DOCK3: variants seen among roughly 807,000 people sequenced by gnomAD.
DOCK3 encodes dedicator of cytokinesis protein 3.
A neutral mutation model predicts 265.6 loss-of-function variants in DOCK3; 60 were observed. That is an observed-to-expected ratio of 0.23 (90% CI 0.18 to 0.28). DOCK3 has a LOEUF of 0.28. DOCK3 is among the 10% of genes least tolerant of loss of function. The pLI is 1.00. For missense variants in DOCK3, 1,981 were observed against 2,594.3 expected, an observed-to-expected ratio of 0.76 and a Z score of 5.14; for synonymous variants, 881 against 938.0, an observed-to-expected ratio of 0.94 and a Z score of 1.11.
At chr3:50,903,154 ACTTTATTTCT>A (rs2049292114) in intron 4 of DOCK3, among the ~76,000 whole-genome samples, 1 of 151,930 alleles carries the variant, frequency 6.6e-6, no homozygotes, top group South Asian at 2.1e-4. Flanking sequence ...CTGTTTGAAT[ACTTTATTTCT>A]CTTGCCTGAC....
chr3:51,256,473 A>C (rs4974093), intron 22 of DOCK3, among the ~76,000 whole-genome samples: 1 of 152,090 alleles, frequency 6.6e-6, no homozygotes, highest in African/African-American at 2.4e-5. Context: ...GTTTCACCAT[A>C]TTGGCCAGGC....
chr3:51,163,402 C>CA (rs756710608), intron 12 of DOCK3, among the ~76,000 whole-genome samples: 11,283 of 127,650 alleles, frequency 0.088, 983 homozygotes, highest in East Asian at 0.36. Context: ...AAGAAAATAG[C>CA]AAAAAAAAAA....
chr3:51,047,921 G>C (rs1440925183), intron 5 of DOCK3, among the ~76,000 whole-genome samples: 7 of 152,060 alleles, frequency 4.6e-5, no homozygotes, highest in East Asian at 1.9e-4. Context: ...GCGAGACAAA[G>C]ACGCTAAAAG....
chr3:51,229,279 C>G (rs1023947915), intron 18 of DOCK3, among the ~76,000 whole-genome samples: 2 of 152,118 alleles, frequency 1.3e-5, no homozygotes, highest in Non-Finnish European at 2.9e-5. Context: ...GGTGAAACAC[C>G]ATCTCTACTA....
chr3:51,363,811 T>A (rs896897664), intron 49 of DOCK3, among the ~76,000 whole-genome samples: 6 of 152,264 alleles, frequency 3.9e-5, no homozygotes, highest in Non-Finnish European at 7.3e-5. Flanking sequence ...ACAAAGGACA[T>A]GAACTCATCC....
intron 1 of DOCK3, among the ~76,000 whole-genome samples, chr3:50,694,606 T>G (rs1327052730): frequency 6.6e-6 from 1 of 152,082 alleles, no homozygotes; most frequent in African/African-American, 2.4e-5. Flanking sequence ...GCCAGGAGTT[T>G]GAGACTAGCC....
intron 1 of DOCK3, among the ~76,000 whole-genome samples, chr3:50,679,500 A>AAAACAAAC (rs141544909): frequency 1.3e-5 from 2 of 152,116 alleles, no homozygotes; most frequent in Non-Finnish European, 2.9e-5. Flanking sequence ...AAAGCACTTA[A>AAAACAAAC]AAACAAACAA....
chr3:51,201,936 G>T (rs1355244302), intron 12 of DOCK3, among the ~76,000 whole-genome samples: 1 of 152,092 alleles, frequency 6.6e-6, no homozygotes, highest in African/African-American at 2.4e-5. Context: ...GGTACATAAA[G>T]AAATGAAGGC....
Position 51,374,259 on chromosome 3 carries a change from G to GT in DOCK3, c.5294-209dup, listed in dbSNP as rs1341153266. ...CGGATCTGCATCTCACCAGCCTGCT[G>GT]TATGTCAGCCTTGGCTGGGACATGA... On this transcript the variant is annotated intron_variant, in intron 49 of 52. Coordinates refer to ENST00000266037, the MANE Select transcript of DOCK3 (RefSeq NM_004947.5). This position sits in a 1 kb window ranked among gnomAD's most constrained non-coding sequence, Gnocchi z 4.8. Among the ~76,000 whole-genome samples, 1 of 152,206 alleles carries GT rather than the reference G, an allele frequency of 6.6e-6. No homozygotes were observed. The highest frequency in any genetic ancestry group is 1.5e-5 in the Non-Finnish European group (1 of 68,040).
intron 5 of DOCK3, among the ~76,000 whole-genome samples, chr3:51,008,395 G>T (rs751400012): frequency 6.6e-6 from 1 of 152,182 alleles, no homozygotes; most frequent in Non-Finnish European, 1.5e-5. Context: ...AAGCAATTGT[G>T]AATGGGAGTT....
chr3:51,364,036 G>C (rs1177106927), intron 49 of DOCK3, among the ~76,000 whole-genome samples: 2 of 152,210 alleles, frequency 1.3e-5, no homozygotes, highest in Non-Finnish European at 2.9e-5. Flanking sequence ...GGTATTTCTA[G>C]TTCTAGATCC....
intron 33 of DOCK3, among the ~76,000 whole-genome samples, chr3:51,332,259 C>G (rs2109981587): frequency 6.6e-6 from 1 of 152,322 alleles, no homozygotes; most frequent in Middle Eastern, 3.4e-3. Context: ...ATCACTGGAA[C>G]AAGCAGAAAG....
chr3:51,022,219 A>C (rs2079624290), intron 5 of DOCK3, among the ~76,000 whole-genome samples: 1 of 152,200 alleles, frequency 6.6e-6, no homozygotes, highest in African/African-American at 2.4e-5. Context: ...TGACCCTGTT[A>C]AATTCATTTA....
At chr3:50,911,870 T>A (rs1260005412) in intron 4 of DOCK3, among the ~76,000 whole-genome samples, 6 of 152,124 alleles carry the variant, frequency 3.9e-5, no homozygotes, top group Non-Finnish European at 7.3e-5. Context: ...ATAGTTTTCC[T>A]TGTAGAGATC....
chr3:51,169,477 A>G (rs2086569496), intron 12 of DOCK3, among the ~76,000 whole-genome samples: 1 of 152,152 alleles, frequency 6.6e-6, no homozygotes, highest in Admixed American at 6.5e-5. Context: ...TTAGCAAACT[A>G]ACTCAGAGAC....
At chr3:51,234,598 T>C (rs1468350449) in intron 19 of DOCK3, among the ~76,000 whole-genome samples, 2 of 152,248 alleles carry the variant, frequency 1.3e-5, no homozygotes, top group Admixed American at 1.3e-4. Context: ...AAGCCTGATA[T>C]CTTTCTGGCT....
intron 1 of DOCK3, among the ~76,000 whole-genome samples, chr3:50,777,967 A>G (rs1338458524): frequency 6.6e-6 from 1 of 152,074 alleles, no homozygotes; most frequent in Admixed American, 6.6e-5. Flanking sequence ...AGTGGTGAAA[A>G]TGGGCATCCT....
intron 2 of DOCK3, among the ~76,000 whole-genome samples, chr3:50,826,606 C>A (rs2044770276): frequency 6.6e-6 from 1 of 152,134 alleles, no homozygotes; most frequent in Non-Finnish European, 1.5e-5. Flanking sequence ...AATGAAAAAT[C>A]ACTTTGTAGG....
At chr3:50,792,254 A>G (rs1053494447) in intron 2 of DOCK3, among the ~76,000 whole-genome samples, 1 of 151,942 alleles carries the variant, frequency 6.6e-6, no homozygotes, top group African/African-American at 2.4e-5. Flanking sequence ...TTGGCTCTCA[A>G]GTTGGCTGTT....
Sources: allele counts gnomAD v4.1 joint callset (sites outside exome capture counted in the v4.1 genomes callset), GRCh38; gene constraint gnomAD v4.1.1; non-coding constraint Gnocchi (gnomAD v3.1); transcripts MANE v1.5; gene names NCBI Gene and HGNC (gene_info 2026-07-23, HGNC 2026-07-21).